The following HPSE2 variants were observed in gnomAD, a reference collection of about 807,000 sequenced individuals.
HPSE2 encodes inactive heparanase-2.
In HPSE2, 38 loss-of-function variants were observed where a neutral mutation model predicts 60.5. The observed-to-expected ratio is 0.63, with a 90% confidence interval of 0.48 to 0.82. The LOEUF (loss-of-function observed/expected upper bound fraction) is 0.82. Ranked by LOEUF, HPSE2 falls within the 40% of genes least tolerant of loss-of-function variation. HPSE2 has a pLI of 0.00. For synonymous variants in HPSE2, 295 were observed against 293.2 expected (o/e 1.01, Z -0.06); for missense variants, 713 against 740.4 (o/e 0.96, Z 0.43).
intron 5 of HPSE2, among the ~76,000 whole-genome samples, chr10:98,717,248 G>A (rs1191337011): frequency 6.6e-6 from 1 of 152,056 alleles, no homozygotes; most frequent in Non-Finnish European, 1.5e-5. Flanking sequence ...TATTGTGGCT[G>A]GTTTGATCTT....
chr10:98,654,904 C>A (rs1361836889), intron 6 of HPSE2, among the ~76,000 whole-genome samples: 4 of 152,134 alleles, frequency 2.6e-5, no homozygotes, highest in African/African-American at 9.7e-5. Context: ...TCAAAGCCCC[C>A]TAGTATCCTT....
rs542410967 is a variant in HPSE2 at position 98,528,963 on chromosome 10, A to C, written c.1321-38767T>G. Among the ~76,000 whole-genome samples, 9 of 152,346 alleles carry C rather than the reference A, an allele frequency of 5.9e-5. No individual in the cohort carries two copies. The South Asian group carries it at 1.4e-3, about 25-fold the overall frequency. ...TGCACAGTGGGAAGACACTGTGAAA[A>C]ATCAGTGGTAACAACCGCAAACCAC... On this transcript the variant is annotated intron_variant, in intron 9 of 11. Coordinates refer to ENST00000370552, the MANE Select transcript of HPSE2 (RefSeq NM_021828.5).
intron 9 of HPSE2, among the ~76,000 whole-genome samples, chr10:98,584,379 T>C (rs11189692): frequency 0.18 from 27,130 of 152,196 alleles, 3,098 homozygotes; most frequent in East Asian, 0.38. Context: ...GCCACACCTC[T>C]TACTGTCCTT....
chr10:99,304,982 CAA>C, the HPSE2 span, among the ~76,000 whole-genome samples: 1 of 152,194 alleles, frequency 6.6e-6, no homozygotes, highest in Non-Finnish European at 1.5e-5. Flanking sequence ...ATTTAGGAAA[CAA>C]AGACTGGTTA....
At chr10:98,891,394 G>A (rs1346343336) in intron 3 of HPSE2, among the ~76,000 whole-genome samples, 7 of 152,186 alleles carry the variant, frequency 4.6e-5, no homozygotes, top group South Asian at 2.1e-4. Flanking sequence ...CTCATGGAAT[G>A]TAATGAAATT....
At chr10:98,778,780 T>A (rs1950403536) in intron 3 of HPSE2, among the ~76,000 whole-genome samples, 3 of 152,152 alleles carry the variant, frequency 2.0e-5, no homozygotes, top group African/African-American at 7.2e-5. Context: ...AATCAGATGA[T>A]CTCCAATGTT....
intron 2 of HPSE2, among the ~76,000 whole-genome samples, chr10:99,176,864 C>A (rs1436260330): frequency 1.3e-5 from 2 of 151,746 alleles, no homozygotes; most frequent in Admixed American, 1.3e-4. Flanking sequence ...TAAAGGGCAG[C>A]CAGAGAAAAA....
chr10:98,919,789 T>C (rs984711776), intron 3 of HPSE2, among the ~76,000 whole-genome samples: 5 of 152,294 alleles, frequency 3.3e-5, no homozygotes, highest in Middle Eastern at 3.4e-3. Flanking sequence ...TAGTTGGATA[T>C]GGTGTCTGGA....
intron 9 of HPSE2, among the ~76,000 whole-genome samples, chr10:98,605,602 AC>A (rs34982952): frequency 0.28 from 42,775 of 152,068 alleles, 6,210 homozygotes; most frequent in East Asian, 0.31. Context: ...AACTCTAGGC[AC>A]CAAGTTCAGT....
the HPSE2 span, among the ~76,000 whole-genome samples, chr10:99,274,722 T>C: frequency 6.6e-6 from 1 of 152,214 alleles, no homozygotes; most frequent in Non-Finnish European, 1.5e-5. Flanking sequence ...AGATTAGTTA[T>C]TAGGAGGCTA....
At chr10:98,940,961 A>G (rs1954978754) in intron 3 of HPSE2, among the ~76,000 whole-genome samples, 1 of 128,668 alleles carries the variant, frequency 7.8e-6, no homozygotes, top group East Asian at 2.2e-4. Flanking sequence ...TCCAGCATAT[A>G]AACAGAACCA....
At chr10:99,022,712 C>T (rs771238307) in intron 3 of HPSE2, among the ~76,000 whole-genome samples, 1 of 152,160 alleles carries the variant, frequency 6.6e-6, no homozygotes, top group Non-Finnish European at 1.5e-5. Flanking sequence ...TCAGGCCCTA[C>T]TTCCAGATGA....
At chr10:98,855,101 G>A (rs1589953660) in intron 3 of HPSE2, among the ~76,000 whole-genome samples, 1 of 152,164 alleles carries the variant, frequency 6.6e-6, no homozygotes, top group Non-Finnish European at 1.5e-5. Flanking sequence ...CCTCCAAAAA[G>A]AGAAGAAATA....
At chr10:99,302,868 C>G in the HPSE2 span, among the ~76,000 whole-genome samples, 1 of 150,672 alleles carries the variant, frequency 6.6e-6, no homozygotes, top group South Asian at 2.1e-4. Flanking sequence ...AGGGACATAC[C>G]CTGGGGAGGA....
chr10:99,155,000 CAAAG>C (rs1475192110), intron 2 of HPSE2, among the ~76,000 whole-genome samples: 2 of 150,836 alleles, frequency 1.3e-5, no homozygotes, highest in East Asian at 3.9e-4. Context: ...TCAAAAGAGA[CAAAG>C]AAGGACATTA....
the HPSE2 span, among the ~76,000 whole-genome samples, chr10:99,291,219 T>C: frequency 2.0e-5 from 3 of 151,944 alleles, no homozygotes; most frequent in Admixed American, 6.6e-5. Context: ...CCAATGGAGG[T>C]CCCATCCTGA....
chr10:98,512,408 T>C (rs931714035), intron 9 of HPSE2, among the ~76,000 whole-genome samples: 2 of 152,034 alleles, frequency 1.3e-5, no homozygotes, highest in East Asian at 1.9e-4. Context: ...GGTGAAACCC[T>C]GTCTCTACTA....
chr10:99,126,670 T>C lies in HPSE2; in HGVS notation c.610+17568A>G, dbSNP rs905656654. Among the ~76,000 whole-genome samples the C allele has an allele frequency of 6.6e-6, 1 of 152,158 alleles. No individual in the cohort carries two copies. On this transcript the variant is annotated intron_variant, in intron 3 of 11. Coordinates refer to ENST00000370552, the MANE Select transcript of HPSE2 (RefSeq NM_021828.5). The surrounding 1 kb of genome is among the most constrained non-coding windows in gnomAD (Gnocchi z 4.0). ...GAGTCTCTACACATGACAACTTTAC[T>C]GCTAGCATAATCCATCATTCAAGAA...
intron 3 of HPSE2, among the ~76,000 whole-genome samples, chr10:98,841,660 T>G (rs1195754123): frequency 6.6e-6 from 1 of 152,204 alleles, no homozygotes; most frequent in Non-Finnish European, 1.5e-5. Context: ...TCACTTCATC[T>G]GAGTATATTC....
Sources: gnomAD v4.1 joint callset for allele counts (sites outside exome capture counted in the v4.1 genomes callset) on GRCh38, gnomAD v4.1.1 for gene constraint, Gnocchi (gnomAD v3.1) non-coding constraint, MANE v1.5 for transcripts, NCBI Gene and HGNC (gene_info 2026-07-23, HGNC 2026-07-21) for gene names.